The following RORA variants were observed in gnomAD, a reference collection of about 807,000 sequenced individuals.
RORA encodes the protein RAR related orphan receptor A, also known as nuclear receptor ROR-alpha.
In RORA, 7 loss-of-function variants were observed where a neutral mutation model predicts 69.5. The observed-to-expected ratio is 0.10, with a 90% CI of 0.06 to 0.19. RORA has a LOEUF of 0.19. Among genes scored for constraint, RORA ranks in the 10% least tolerant of loss-of-function variants. RORA has a pLI of 1.00. For missense variants in RORA, 457 were observed against 663.0 expected (o/e 0.69, Z 3.41); for synonymous variants, 261 against 240.8 (o/e 1.08, Z -0.78).
At chr15:61,093,427 G>A (rs1233202558) in intron 1 of RORA, among the ~76,000 whole-genome samples, 1 of 152,184 alleles carries the variant, frequency 6.6e-6, no homozygotes, top group Non-Finnish European at 1.5e-5. Context: ...CCACATGGTG[G>A]ACTATCTGGG....
At chr15:60,683,623 CCTT>C (rs2070687901) in intron 1 of RORA, among the ~76,000 whole-genome samples, 2 of 146,142 alleles carry the variant, frequency 1.4e-5, no homozygotes, top group South Asian at 2.2e-4. Flanking sequence ...CTGTAAGACT[CCTT>C]CTATTTTACC....
chr15:61,209,257 T>C (rs776275911), intron 1 of RORA, among the ~76,000 whole-genome samples: 2 of 99,982 alleles, frequency 2.0e-5, no homozygotes, highest in Admixed American at 2.1e-4. Flanking sequence ...AAGGAACTTG[T>C]TGTTGAATTA....
At chr15:61,037,793 C>T (rs1261669472) in intron 1 of RORA, among the ~76,000 whole-genome samples, 2 of 152,086 alleles carry the variant, frequency 1.3e-5, no homozygotes, top group Non-Finnish European at 2.9e-5. Context: ...GAGATGAATG[C>T]TATAATAGAA....
intron 1 of RORA, among the ~76,000 whole-genome samples, chr15:60,809,187 T>C (rs2072707211): frequency 6.6e-6 from 1 of 152,046 alleles, no homozygotes; most frequent in Non-Finnish European, 1.5e-5. Flanking sequence ...AATTAAAAAA[T>C]GTAAAAAGTC....
chr15:60,684,478 G>A (rs972072819), intron 1 of RORA, among the ~76,000 whole-genome samples: 184 of 152,054 alleles, frequency 1.2e-3, no homozygotes, highest in African/African-American at 4.1e-3. Context: ...TTAGCCAAGT[G>A]TGGTGGTGGG....
At chr15:60,914,606 G>A (rs1891816439) in intron 1 of RORA, among the ~76,000 whole-genome samples, 1 of 152,160 alleles carries the variant, frequency 6.6e-6, no homozygotes, top group Non-Finnish European at 1.5e-5. Flanking sequence ...TAGTCCAGCT[G>A]GCTTCTTTCC....
intron 3 of RORA, among the ~76,000 whole-genome samples, chr15:60,515,093 C>A (rs961342603): frequency 6.6e-6 from 1 of 152,162 alleles, no homozygotes; most frequent in African/African-American, 2.4e-5. Context: ...AAAGGACTTA[C>A]CTTTAGCCTT....
At chr15:61,114,254 C>A (rs960788957) in intron 1 of RORA, among the ~76,000 whole-genome samples, 2 of 152,124 alleles carry the variant, frequency 1.3e-5, no homozygotes, top group African/African-American at 4.8e-5. Context: ...CAAGCAAACT[C>A]TGCAGTGAGT....
At chr15:60,651,944 T>C (rs2070148269) in intron 2 of RORA, among the ~76,000 whole-genome samples, 1 of 152,192 alleles carries the variant, frequency 6.6e-6, no homozygotes, top group South Asian at 2.1e-4. Context: ...TGAGCTACAC[T>C]GAGATAACCA....
At chr15:60,860,165 T>A (rs993404890) in intron 1 of RORA, among the ~76,000 whole-genome samples, 7 of 152,210 alleles carry the variant, frequency 4.6e-5, no homozygotes, top group African/African-American at 1.7e-4. Context: ...TGAGATCAGA[T>A]GAGTCAAGTT....
rs1195168326 is a variant in RORA, at chr15:60,910,905, T to G, written c.167-232219A>C. Among the ~76,000 whole-genome samples, 142 of 48,228 alleles carry G rather than the reference T, an allele frequency of 2.9e-3. 1 individual carries two copies. Among genetic ancestry groups the G allele is most frequent in the East Asian group, 0.016 (1 of 64 alleles). 31.6% of individuals were successfully genotyped at this position (48,228 alleles called of 152,430 possible). ...TTTTTTGTTGTTGTTGTTTTTTGGG[T>G]TTTTTTTTTTTTTTTGAGATGGAGT... is the stretch of plus-strand genomic sequence containing the variant. On this transcript the variant is annotated intron_variant, in intron 1 of 10. Coordinates refer to ENST00000335670, the MANE Select transcript of RORA (RefSeq NM_134261.3).
rs118135883 is a variant in RORA, at chr15:60,672,184, C to G, written c.196+6473G>C. 6.2e-3 allele frequency among the ~76,000 whole-genome samples: 939 copies of G among 152,184 alleles called. 44 individuals carry two copies. The East Asian group carries it at 0.09, about 15-fold the overall frequency. On this transcript the variant is annotated intron_variant, in intron 2 of 10. Transcript: ENST00000335670. ...GTGGGAATAACATTCCCCTTTCTTA[C>G]AATCAGTTTGTTCTTCAAGCTTAGA...
chr15:60,671,288 A>C (rs1178805137), intron 2 of RORA, among the ~76,000 whole-genome samples: 1 of 152,034 alleles, frequency 6.6e-6, no homozygotes, highest in Non-Finnish European at 1.5e-5. Flanking sequence ...GCTTTGTTTC[A>C]GAGGAAGATG....
At chr15:61,121,847 A>AT (rs1397746113) in intron 1 of RORA, among the ~76,000 whole-genome samples, 1 of 130,416 alleles carries the variant, frequency 7.7e-6, no homozygotes, top group Non-Finnish European at 1.7e-5. Flanking sequence ...ATGACTTCCT[A>AT]TAAAAAAAAA....
chr15:60,792,037 A>T (rs1383237655), intron 1 of RORA, among the ~76,000 whole-genome samples: 2 of 152,324 alleles, frequency 1.3e-5, no homozygotes, highest in African/African-American at 4.8e-5. Context: ...AAATATGTTC[A>T]ACAAATTGAA....
chr15:61,096,364 G>A (rs1159929938), intron 1 of RORA, among the ~76,000 whole-genome samples: 1 of 152,146 alleles, frequency 6.6e-6, no homozygotes, highest in Non-Finnish European at 1.5e-5. Context: ...TTCCTTCCCA[G>A]AGACTGATAA....
intron 1 of RORA, among the ~76,000 whole-genome samples, chr15:60,945,475 T>C (rs773940169): frequency 1.1e-4 from 17 of 152,060 alleles, no homozygotes; most frequent in Non-Finnish European, 2.2e-4. Flanking sequence ...AAGAAGATGA[T>C]GGAAAGGATA....
At chr15:61,057,253 T>C (rs1216125557) in intron 1 of RORA, among the ~76,000 whole-genome samples, 1 of 152,244 alleles carries the variant, frequency 6.6e-6, no homozygotes, top group Non-Finnish European at 1.5e-5. Context: ...TTAGCTCCTA[T>C]GCACTTCATT....
intron 2 of RORA, among the ~76,000 whole-genome samples, chr15:60,539,642 C>A (rs1392701878): frequency 6.6e-6 from 1 of 152,174 alleles, no homozygotes; most frequent in Non-Finnish European, 1.5e-5. Context: ...AATACTTCAT[C>A]CTACTCATCC....
Sources: allele counts gnomAD v4.1 joint callset (sites outside exome capture counted in the v4.1 genomes callset), GRCh38; gene constraint gnomAD v4.1.1; transcripts MANE v1.5; gene names NCBI Gene and HGNC (gene_info 2026-07-23, HGNC 2026-07-21).